The following PABPC4L variants were observed in gnomAD, a reference collection of about 807,000 sequenced individuals.
PABPC4L encodes poly(A) binding protein cytoplasmic 4 like, also known as polyadenylate-binding protein 4-like.
For missense variants in PABPC4L, 452 were observed against 451.4 expected (o/e 1.00, Z -0.01); for synonymous variants, 169 against 164.1 (o/e 1.03, Z -0.23).
At chr4:134,040,988 G>T in the PABPC4L span, among the ~76,000 whole-genome samples, 1 of 152,034 alleles carries the variant, frequency 6.6e-6, no homozygotes, top group Admixed American at 6.6e-5. Context: ...CATCATCACT[G>T]GTCATTAAAG....
the PABPC4L span, among the ~76,000 whole-genome samples, chr4:134,160,106 T>C: frequency 1.3e-5 from 2 of 152,016 alleles, no homozygotes; most frequent in South Asian, 2.1e-4. Flanking sequence ...TGAATAAAAA[T>C]GAGTGGCAGC....
At chr4:133,997,386 T>G in the PABPC4L span, among the ~76,000 whole-genome samples, 7 of 152,106 alleles carry the variant, frequency 4.6e-5, no homozygotes, top group African/African-American at 1.7e-4. Flanking sequence ...CCTGGTCACC[T>G]AATGGCTCTC....
chr4:134,020,295 A>G, the PABPC4L span, among the ~76,000 whole-genome samples: 1 of 152,134 alleles, frequency 6.6e-6, no homozygotes, highest in Non-Finnish European at 1.5e-5. Context: ...ATGCTTGTTT[A>G]TATAGGATAA....
chr4:134,182,278 A>C, the PABPC4L span, among the ~76,000 whole-genome samples: 1 of 152,046 alleles, frequency 6.6e-6, no homozygotes. Context: ...AGACCAGTGG[A>C]ACATAATAGA....
the PABPC4L span, among the ~76,000 whole-genome samples, chr4:134,117,021 T>G: frequency 6.6e-6 from 1 of 151,690 alleles, no homozygotes; most frequent in African/African-American, 2.4e-5. Context: ...TTTCTTCTTC[T>G]ATTTTTCTGT....
chr4:134,019,029 T>C, the PABPC4L span, among the ~76,000 whole-genome samples: 3 of 152,146 alleles, frequency 2.0e-5, no homozygotes, highest in South Asian at 6.2e-4. Context: ...TCACTTGGGT[T>C]GGAAATGACT....
the PABPC4L span, among the ~76,000 whole-genome samples, chr4:133,991,458 G>T: frequency 6.6e-6 from 1 of 152,102 alleles, no homozygotes. Flanking sequence ...GCATCTTGCC[G>T]CTCCCCTACA....
At chr4:133,978,185 G>A in the PABPC4L span, 1 of 152,190 alleles carries the variant, frequency 6.6e-6, no homozygotes, top group East Asian at 1.9e-4. Flanking sequence ...ATAGTAAGAT[G>A]TATATGTTCC....
the PABPC4L span, among the ~76,000 whole-genome samples, chr4:133,967,814 T>C: frequency 6.6e-6 from 1 of 152,186 alleles, no homozygotes; most frequent in Admixed American, 6.6e-5. Flanking sequence ...GCACCAGGAC[T>C]CAGGCAAAGT....
At chr4:133,985,571 G>A in the PABPC4L span, among the ~76,000 whole-genome samples, 3 of 151,842 alleles carry the variant, frequency 2.0e-5, no homozygotes, top group Non-Finnish European at 2.9e-5. Context: ...AAAAAAGAAG[G>A]ATATTCAACA....
chr4:134,154,719 T>A, the PABPC4L span, among the ~76,000 whole-genome samples: 4 of 152,080 alleles, frequency 2.6e-5, no homozygotes, highest in Non-Finnish European at 2.9e-5. Context: ...TTGCTCATTC[T>A]GAATTTAAGT....
At chr4:134,084,627 A>AG in the PABPC4L span, among the ~76,000 whole-genome samples, 71 of 152,288 alleles carry the variant, frequency 4.7e-4, no homozygotes, top group Non-Finnish European at 1.5e-4. Context: ...AGAAAAAGAA[A>AG]GGAAGAAAGA....
At chr4:134,039,668 T>C in the PABPC4L span, among the ~76,000 whole-genome samples, 2 of 152,134 alleles carry the variant, frequency 1.3e-5, no homozygotes, top group African/African-American at 2.4e-5. Context: ...GCTTTCTATT[T>C]GCTTGGTAAA....
chr4:134,022,828 T>G, the PABPC4L span, among the ~76,000 whole-genome samples: 1 of 151,962 alleles, frequency 6.6e-6, no homozygotes, highest in Non-Finnish European at 1.5e-5. Flanking sequence ...TGCAGGAGTT[T>G]TGGGGGAATG....
At chr4:134,110,559 TTGTGTGTGTGTGTGTGTGTG>T in the PABPC4L span, among the ~76,000 whole-genome samples, 9 of 144,734 alleles carry the variant, frequency 6.2e-5, no homozygotes, top group South Asian at 2.2e-4. Context: ...TCTCTCTGTC[TTGTGTGTGTGTGTGTGTGTG>T]TGTGTGTGTG....
At chr4:134,049,659 A>G in the PABPC4L span, among the ~76,000 whole-genome samples, 1 of 152,286 alleles carries the variant, frequency 6.6e-6, no homozygotes, top group African/African-American at 2.4e-5. Context: ...GCTATTTGTT[A>G]CCAGTTATGG....
chr4:134,028,467 T>C, the PABPC4L span, among the ~76,000 whole-genome samples: 50 of 152,050 alleles, frequency 3.3e-4, no homozygotes, highest in East Asian at 4.9e-3. Flanking sequence ...TTTTGTCAGC[T>C]TTTCCCAGTA....
chr4:134,142,087 A>G, the PABPC4L span, among the ~76,000 whole-genome samples: 3 of 151,766 alleles, frequency 2.0e-5, no homozygotes, highest in Non-Finnish European at 4.4e-5. Context: ...AGTGAGATGT[A>G]AATGAGAAAA....
the PABPC4L span, among the ~76,000 whole-genome samples, chr4:133,986,453 G>A: frequency 6.6e-6 from 1 of 151,840 alleles, no homozygotes; most frequent in Non-Finnish European, 1.5e-5. Flanking sequence ...TTATTTGTTT[G>A]CATTTTTTTC....
Sources: gnomAD v4.1 joint callset for allele counts (sites outside exome capture counted in the v4.1 genomes callset) on GRCh38, gnomAD v4.1.1 for gene constraint, MANE v1.5 for transcripts, NCBI Gene and HGNC (gene_info 2026-07-23, HGNC 2026-07-21) for gene names.